Variants in GABRE observed in about 807,000 individuals in gnomAD.
GABRE encodes the protein gamma-aminobutyric acid type A receptor subunit epsilon.
A neutral mutation model predicts 31.0 loss-of-function variants in GABRE; 20 were observed. The observed-to-expected ratio is 0.64, with a 90% CI of 0.45 to 0.94. The LOEUF is 0.94. Ranked by LOEUF, GABRE falls within the 40% of genes least tolerant of loss-of-function variation. GABRE has a pLI of 0.00. For missense variants in GABRE, 420 were observed against 410.7 expected, an observed-to-expected ratio of 1.02 and a Z score of -0.20; for synonymous variants, 155 against 150.6, an observed-to-expected ratio of 1.03 and a Z score of -0.21.
chrX:151,957,959 C>T (rs1054824726), intron 6 of GABRE: 2 of 123,221 alleles, frequency 1.6e-5, no homozygotes, highest in Admixed American at 8.4e-5. Flanking sequence ...TAGACTACAA[C>T]AGACTATGAT....
At position 151,972,401 on chromosome X, in the gene GABRE, G is replaced by T. The variant is rs760141092; in HGVS notation, c.57-1999C>A. On this transcript the variant is annotated intron_variant, in intron 1 of 8. Coordinates refer to ENST00000370328, the MANE Select transcript of GABRE (RefSeq NM_004961.4). ...GCCAGTGACTATGGGAAGAGAGGAG[G>T]AAAAATGGAGCCCTGAGACCCTGTA... 5 of 751,691 alleles carry T rather than the reference G, an allele frequency of 6.7e-6. No individual in the cohort carries two copies. The East Asian group carries it at 7.6e-4, about 115-fold the overall frequency. 61.9% of individuals were successfully genotyped at this position (751,691 alleles called of 1,213,427 possible).
rs147120406 is a variant in GABRE, at chrX:151,960,139, A to C, written c.647-163T>G. 6.9e-3 allele frequency among the ~76,000 whole-genome samples: 777 copies of C among 112,198 alleles called. 10 individuals carry two copies. The highest frequency in any genetic ancestry group is 0.024 in the African/African-American group (728 of 30,897). On this transcript the variant is annotated intron_variant, in intron 5 of 8. Coordinates refer to ENST00000370328, the MANE Select transcript of GABRE (RefSeq NM_004961.4). ...CCTCATTGTTGAAGTCCATTCAATG[A>C]GTGCGTTTACTGAGCATTCCTCAGT...
intron 1 of GABRE, among the ~76,000 whole-genome samples, chrX:151,973,249 C>T (rs993749224): frequency 5.4e-5 from 6 of 110,455 alleles, no homozygotes; most frequent in Admixed American, 9.6e-5. Context: ...GGGCAGTTTC[C>T]ATTTCCCCAG....
Position 151,955,001 on chromosome X carries a change from G to T in GABRE, c.1221C>A (p.Cys407Ter). ...CARQHQEAFV[C>*]QIVTTEGSDG... ...CACTTCCCTCAGTGGTGACAATCTG[G>T]CACACAAAAGCTTCCTGATGTTGGC... The change falls in exon 9 of 9, where the codon TGC becomes TGA. Residue 407 changes from cysteine to a stop codon, truncating the protein, a stop_gained. Transcript: ENST00000370328. LOFTEE classifies it high-confidence loss of function. The T allele has an allele frequency of 8.3e-7, 1 of 1,205,120 alleles. No individual in the cohort carries two copies. Among genetic ancestry groups the T allele is most frequent in the Non-Finnish European group, 1.1e-6 (1 of 892,177 alleles).
chrX:151,963,954 C>A (rs1934456419), intron 3 of GABRE, among the ~76,000 whole-genome samples: 1 of 111,600 alleles, frequency 9.0e-6, no homozygotes, highest in African/African-American at 3.3e-5. Flanking sequence ...TACGCCCACA[C>A]GTGGAAATAT....
chrX:151,970,556 T>C (rs2063447721), intron 1 of GABRE, 154 bp from the exon 2 acceptor site: 1 of 598,835 alleles, frequency 1.7e-6, no homozygotes, highest in Non-Finnish European at 2.5e-6. Flanking sequence ...CAGTGACAGA[T>C]TAGGCTTGTG....
Position 151,954,702 on chromosome X carries a change from T to C in GABRE, c.1520A>G (p.Ter507TrpextTer35), listed in dbSNP as rs1400802993. 1.7e-6 allele frequency: 2 copies of C among 1,188,049 alleles called. No individual in the cohort carries two copies. The highest frequency in any genetic ancestry group is 2.3e-5 in the Admixed American group (1 of 43,999). The stretch of plus-strand genomic sequence containing the variant: ...GCCCCACAGGGTACCAGCTGGTACC[T>C]ACAAGTTAAGGCAAACAAGCCAGTA... ...VLYWLVCLNL[*>W] is the part of the protein sequence containing the mutation. The change falls in exon 9 of 9, where the codon TAG becomes TGG. Residue 507 changes from the stop codon to tryptophan, a stop_lost. Transcript: ENST00000370328.
intron 3 of GABRE, among the ~76,000 whole-genome samples, chrX:151,968,421 G>A (rs35309064): frequency 0.066 from 7,426 of 112,338 alleles, 620 homozygotes; most frequent in African/African-American, 0.23. Context: ...TGTGCCTGAA[G>A]AATCAGGCAG....
chrX:151,965,758 C>T (rs1934506781), intron 3 of GABRE, among the ~76,000 whole-genome samples: 1 of 113,145 alleles, frequency 8.8e-6, no homozygotes, highest in Admixed American at 9.3e-5. Context: ...TCCCTGATTG[C>T]CTTTGCTGGC....
In GABRE at chrX:151,956,661, G is replaced by A. The variant is rs1302338314; in HGVS notation, c.785-801C>T. On this transcript the variant is annotated intron_variant, in intron 6 of 8. Coordinates refer to ENST00000370328, the MANE Select transcript of GABRE (RefSeq NM_004961.4). ...CTATGACCCCTAACCCAAACTGAGT[G>A]TTTCAGGGAAAGAGAAGAAAAAGCT... 4.5e-5 allele frequency: 5 copies of A among 112,147 alleles called. No homozygotes were observed. The Admixed American group carries it at 4.7e-4, about 11-fold the overall frequency. 9.2% of individuals were successfully genotyped at this position (112,147 alleles called of 1,213,427 possible).
intron 3 of GABRE, among the ~76,000 whole-genome samples, chrX:151,967,442 A>G (rs1007073996): frequency 4.5e-5 from 5 of 112,050 alleles, no homozygotes; most frequent in Non-Finnish European, 9.4e-5. Flanking sequence ...CTCTCTGCCC[A>G]GCTAGAATAG....
At position 151,962,488 on chromosome X, in the gene GABRE, A is replaced by G; in HGVS notation, c.498T>C (p.His166=). Residue 166 remains histidine, a synonymous_variant, in exon 4 of 9, where the codon CAT becomes CAC. Coordinates refer to ENST00000370328, the MANE Select transcript of GABRE (RefSeq NM_004961.4). Reference sequence around the variant, plus strand: ...CCATCTGGTTGGGCATGGTGATCTCATGCTCGTGGGTCCTCTTAGAATTCC... The same window carrying G: ...CCATCTGGTTGGGCATGGTGATCTCGTGCTCGTGGGTCCTCTTAGAATTCC... ...FFRNSKRTHE[H]EITMPNQMVR... 1 of 1,210,147 alleles carries G rather than the reference A, an allele frequency of 8.3e-7. No homozygotes were observed. Among genetic ancestry groups the G allele is most frequent in the Non-Finnish European group, 1.1e-6 (1 of 894,399 alleles).
chrX:151,961,868 T>C (rs1015683032), intron 4 of GABRE, among the ~76,000 whole-genome samples: 1 of 111,587 alleles, frequency 9.0e-6, no homozygotes, highest in Non-Finnish European at 1.9e-5. Context: ...CTTAGAAGTA[T>C]CTGGTTACTC....
At position 151,974,594 on chromosome X, in the gene GABRE, C is replaced by T; in HGVS notation, c.32G>A (p.Gly11Asp). The T allele has an allele frequency of 8.5e-7, 1 of 1,177,699 alleles. No homozygotes were observed. The highest frequency in any genetic ancestry group is 3.3e-5 in the East Asian group (1 of 30,757). ...CCTCGACTGGAGGATCAATAAGATGCCTAGGAGGACTGGAAGAACTTTGGA... is the reference window on the plus strand; with the variant it reads ...CCTCGACTGGAGGATCAATAAGATGTCTAGGAGGACTGGAAGAACTTTGGA... MLSKVLPVLL[G>D]ILLILQSRVE... The change falls in exon 1 of 9, where the codon GGC becomes GAC. Residue 11 changes from glycine to aspartate, a missense_variant. Coordinates refer to ENST00000370328, the MANE Select transcript of GABRE (RefSeq NM_004961.4).
At position 151,954,731 on chromosome X, in the gene GABRE, C is replaced by A; in HGVS notation, c.1491G>T (p.Val497=). The A allele has an allele frequency of 8.3e-7, 1 of 1,207,045 alleles. No homozygotes were observed. Among genetic ancestry groups the A allele is most frequent in the Non-Finnish European group, 1.1e-6 (1 of 893,436 alleles). Residue 497 remains valine (V), a synonymous_variant, in exon 9 of 9, where the codon GTG becomes GTT. Coordinates refer to ENST00000370328, the MANE Select transcript of GABRE (RefSeq NM_004961.4). ...VFPVTFFFFN[V]LYWLVCLNL ...AGTTAAGGCAAACAAGCCAGTAGAG[C>A]ACATTGAAGAAGAAGAAAGTCACTG...
chrX:151,970,282 A>G lies in GABRE; in HGVS notation c.177T>C (p.Thr59=). 1 of 1,212,191 alleles carries G rather than the reference A, an allele frequency of 8.2e-7. No homozygotes were observed. Among genetic ancestry groups the G allele is most frequent in the Non-Finnish European group, 1.1e-6 (1 of 895,672 alleles). ...LLSEETKSTE[T]ETGSRVGKLP... is the part of the protein sequence containing the mutation. The stretch of plus-strand genomic sequence containing the variant: ...GTTTGCCAACTCTGCTCCCAGTCTC[A>G]GTCTCAGTTGACTTTGTTTCCTCAG... Residue 59 remains threonine (T), a synonymous_variant, in exon 2 of 9, where the codon ACT becomes ACC. Transcript: ENST00000370328.
At chrX:151,959,037 G>A (rs867302109) in intron 6 of GABRE, 3 of 329,407 alleles carry the variant, frequency 9.1e-6, no homozygotes, top group African/African-American at 2.7e-5. Context: ...TTCTGGAAAC[G>A]ATGAGGGCAG....
At chrX:151,959,710 A>T in intron 6 of GABRE, 129 bp downstream of exon 6, 1 of 725,475 alleles carries the variant, frequency 1.4e-6, no homozygotes, top group Non-Finnish European at 2.1e-6. Flanking sequence ...GTAAGTGCTT[A>T]GCAATTATAA....
chrX:151,953,820 G>A lies in GABRE; in HGVS notation c.*881C>T, dbSNP rs950242620. 2 of 111,886 alleles carry A rather than the reference G, an allele frequency of 1.8e-5. No individual in the cohort carries two copies. The highest frequency in any genetic ancestry group is 1.9e-4 in the Admixed American group (2 of 10,598). The allele number at this position is 111,886 out of a possible 1,213,427, so 9.2% of individuals were successfully genotyped here. On this transcript the variant is annotated 3_prime_UTR_variant, in exon 9 of 9. Coordinates refer to ENST00000370328, the MANE Select transcript of GABRE (RefSeq NM_004961.4). ...GAGTTTCCTTAGTTTCTTGGCCCCA[G>A]GAAGTCACCAAGGCCTAGTGCCTGG...
Sources: allele counts gnomAD v4.1 joint callset (sites outside exome capture counted in the v4.1 genomes callset), GRCh38; gene constraint gnomAD v4.1.1; transcripts MANE v1.5; gene names NCBI Gene and HGNC (gene_info 2026-07-23, HGNC 2026-07-21).